The following ADGRF3 variants were observed in gnomAD, a reference collection of about 807,000 sequenced individuals.
ADGRF3 encodes adhesion G protein-coupled receptor F3, also known as G protein-coupled receptor 113.
Under a neutral mutation model 93.2 loss-of-function variants are expected in ADGRF3, and 85 were observed. The ratio of observed to expected loss-of-function variants is 0.91; its 90% CI spans 0.77 to 1.09. ADGRF3 has a LOEUF of 1.09. Among genes scored for constraint, ADGRF3 ranks in the 50% least tolerant of loss-of-function variants. The pLI is 0.00. For missense variants in ADGRF3, 1,125 were observed against 1,246.2 expected (o/e 0.90, Z 1.46); for synonymous variants, 534 against 532.5 (o/e 1.00, Z -0.04).
At chr2:26,336,953 G>T (rs926242736) in intron 1 of ADGRF3, among the ~76,000 whole-genome samples, 1 of 152,102 alleles carries the variant, frequency 6.6e-6, no homozygotes, top group African/African-American at 2.4e-5. Context: ...AGGTTTGGAA[G>T]TAAGAGATAG....
chr2:26,339,928 A>G (rs1346796), intron 1 of ADGRF3, among the ~76,000 whole-genome samples: 65,571 of 151,996 alleles, frequency 0.43, 15,076 homozygotes, highest in Non-Finnish European at 0.51. Flanking sequence ...TGCCTTCCTT[A>G]TCAAGTTTTC....
intron 10 of ADGRF3, 89 bp downstream of exon 10, chr2:26,310,603 C>T (rs931989397): frequency 3.6e-5 from 49 of 1,355,424 alleles, no homozygotes; most frequent in Middle Eastern, 3.8e-4. Flanking sequence ...GTTTCTTCTG[C>T]TCCACCTTGG....
intron 1 of ADGRF3, among the ~76,000 whole-genome samples, chr2:26,322,276 C>G (rs1472853329): frequency 9.8e-5 from 13 of 133,058 alleles, no homozygotes; most frequent in Non-Finnish European, 9.3e-5. Flanking sequence ...GAGCAAGAAT[C>G]TGTCTCAAAA....
At chr2:26,340,207 T>C (rs1676293514) in intron 1 of ADGRF3, among the ~76,000 whole-genome samples, 2 of 152,216 alleles carry the variant, frequency 1.3e-5, no homozygotes, top group Admixed American at 1.3e-4. Flanking sequence ...ATTAGAGTTC[T>C]GGTCAAACAG....
intron 4 of ADGRF3, among the ~76,000 whole-genome samples, 194 bp from the exon 5 acceptor site, chr2:26,315,934 G>A (rs1322989836): frequency 6.6e-6 from 1 of 152,156 alleles, no homozygotes; most frequent in East Asian, 1.9e-4. Flanking sequence ...GACTCTATCT[G>A]TTATTGGAAA....
At position 26,313,770 on chromosome 2, in the gene ADGRF3, G is replaced by A; in HGVS notation, c.1062C>T (p.Thr354=). ...LAPLRVPISI[T]IIQDGDITCP... ...CCAGGCCCTGCGTACCCTGGATGAT[G>A]GTGATGGAGATGGGGACCCTGAGTG... is the stretch of plus-strand genomic sequence containing the variant. The change falls in exon 7 of 14, where the codon ACC becomes ACT. Residue 354 remains threonine (T), a synonymous_variant. Transcript: ENST00000651242. 2 of 1,613,964 alleles carry A rather than the reference G, an allele frequency of 1.2e-6. No individual in the cohort carries two copies. Among genetic ancestry groups the A allele is most frequent in the Non-Finnish European group, 1.7e-6 (2 of 1,179,894 alleles).
At chr2:26,315,439 T>G in intron 5 of ADGRF3, 83 bp downstream of exon 5, 1 of 1,396,864 alleles carries the variant, frequency 7.2e-7, no homozygotes, top group Non-Finnish European at 9.6e-7. Flanking sequence ...GAAGAAGAGG[T>G]GAAGGAAAGC....
intron 10 of ADGRF3, 125 bp from the exon 11 acceptor site, chr2:26,310,362 AT>A: frequency 1.9e-6 from 2 of 1,041,956 alleles, no homozygotes; most frequent in Non-Finnish European, 2.8e-6. Flanking sequence ...TGTTACCACT[AT>A]TTGGTGCATA....
chr2:26,346,077 G>A, intron 1 of ADGRF3, 44 bp downstream of exon 1: 2 of 1,533,144 alleles, frequency 1.3e-6, no homozygotes. Flanking sequence ...CGAAGGGGCC[G>A]AGGCGGCTAC....
intron 1 of ADGRF3, chr2:26,318,110 AG>A (rs755884651): frequency 1.3e-6 from 2 of 1,545,784 alleles, no homozygotes; most frequent in Non-Finnish European, 1.7e-6. Context: ...TGGGGCAGGC[AG>A]GGAAGGGTCT....
intron 1 of ADGRF3, chr2:26,340,543 C>T (rs889770631): frequency 6.6e-6 from 1 of 152,188 alleles, no homozygotes; most frequent in Non-Finnish European, 1.5e-5. Context: ...ACAGTGGTTA[C>T]ATTTGGTTGC....
chr2:26,324,723 T>C (rs993364287), intron 1 of ADGRF3, among the ~76,000 whole-genome samples: 4 of 152,372 alleles, frequency 2.6e-5, no homozygotes, highest in Admixed American at 6.5e-5. Context: ...CAGTCTATCA[T>C]TGATGGGCAT....
At chr2:26,328,454 GTTTT>G (rs35836521) in intron 1 of ADGRF3, among the ~76,000 whole-genome samples, 7 of 132,082 alleles carry the variant, frequency 5.3e-5, no homozygotes, top group Admixed American at 1.6e-4. Context: ...GGCCTTTTTA[GTTTT>G]TTTTTTTTTT....
At chr2:26,322,831 A>G (rs1675231989) in intron 1 of ADGRF3, among the ~76,000 whole-genome samples, 1 of 152,144 alleles carries the variant, frequency 6.6e-6, no homozygotes, top group South Asian at 2.1e-4. Context: ...AAAAGATCTT[A>G]ATAAAAATAT....
At chr2:26,338,527 A>G (rs1229836623) in intron 1 of ADGRF3, among the ~76,000 whole-genome samples, 1 of 152,146 alleles carries the variant, frequency 6.6e-6, no homozygotes, top group Non-Finnish European at 1.5e-5. Context: ...CAATGGCACG[A>G]TCTCGGCTCA....
chr2:26,309,569 C>T lies in ADGRF3; in HGVS notation c.2950G>A (p.Gly984Ser), dbSNP rs769559026. ...SSTISLATNEGCILEHSKGGS... is the reference protein window; with the variant it reads ...SSTISLATNESCILEHSKGGS... Reference sequence around the variant, plus strand: ...CCTTTGCTGTGTTCCAAGATGCAGCCTTCATTTGTGGCCTAGGAAGGGGTG... The same window carrying T: ...CCTTTGCTGTGTTCCAAGATGCAGCTTTCATTTGTGGCCTAGGAAGGGGTG... The change falls in exon 13 of 14, where the codon GGC becomes AGC. Residue 984 changes from glycine (G) to serine (S), a missense_variant. Coordinates refer to ENST00000651242, the MANE Select transcript of ADGRF3 (RefSeq NM_001321971.2). 1.2e-5 allele frequency: 20 copies of T among 1,612,580 alleles called. No individual in the cohort carries two copies. Among genetic ancestry groups the T allele is most frequent in the Non-Finnish European group, 1.5e-5 (18 of 1,179,540 alleles).
chr2:26,345,956 A>G (rs1327022563), intron 1 of ADGRF3, 165 bp downstream of exon 1: 2 of 657,024 alleles, frequency 3.0e-6, no homozygotes, highest in African/African-American at 3.7e-5. Context: ...TGCCTGATCC[A>G]CGCCGATTGG....
At chr2:26,312,903 G>A (rs751049507) in intron 9 of ADGRF3, 40 bp downstream of exon 9, 10 of 1,554,980 alleles carry the variant, frequency 6.4e-6, no homozygotes, top group Middle Eastern at 1.8e-4. Flanking sequence ...TTCAGCCCCC[G>A]ACTGCCCAGC....
chr2:26,336,068 A>G (rs1006411693), intron 1 of ADGRF3, among the ~76,000 whole-genome samples: 1 of 152,182 alleles, frequency 6.6e-6, no homozygotes, highest in African/African-American at 2.4e-5. Context: ...TAAGACAGAA[A>G]AGAATAGATA....
Sources: gnomAD v4.1 joint callset for allele counts (sites outside exome capture counted in the v4.1 genomes callset) on GRCh38, gnomAD v4.1.1 for gene constraint, MANE v1.5 for transcripts, NCBI Gene and HGNC (gene_info 2026-07-23, HGNC 2026-07-21) for gene names.